PKNOX2: variants seen among roughly 807,000 people sequenced by gnomAD.
PKNOX2 encodes homeobox protein PKNOX2.
A neutral mutation model predicts 53.1 loss-of-function variants in PKNOX2; 14 were observed. That is an observed-to-expected ratio of 0.26 (90% CI 0.17 to 0.41). The LOEUF (loss-of-function observed/expected upper bound fraction) is 0.41, where lower values mean the gene tolerates loss of function less well. PKNOX2 is among the 10% of genes least tolerant of loss of function. PKNOX2 has a pLI of 1.00. For missense variants in PKNOX2, 496 were observed against 602.8 expected (o/e 0.82, Z 1.85); for synonymous variants, 257 against 242.8 (o/e 1.06, Z -0.54).
At chr11:125,220,620 C>T (rs1178029457) in intron 1 of PKNOX2, among the ~76,000 whole-genome samples, 1 of 152,278 alleles carries the variant, frequency 6.6e-6, no homozygotes, top group East Asian at 1.9e-4. Flanking sequence ...GCAATCAGCC[C>T]TGGGGAATCA....
intron 2 of PKNOX2, among the ~76,000 whole-genome samples, chr11:125,315,864 A>G (rs937381621): frequency 6.6e-6 from 1 of 152,104 alleles, no homozygotes. Context: ...CTACACTACA[A>G]GCAGGTACCC....
chr11:125,221,600 G>T (rs150628570), intron 1 of PKNOX2, among the ~76,000 whole-genome samples: 60 of 152,296 alleles, frequency 3.9e-4, no homozygotes, highest in Non-Finnish European at 6.9e-4. Flanking sequence ...GAAAGGATTA[G>T]AAGACAATTA....
At chr11:125,182,864 G>A (rs545544920) in intron 1 of PKNOX2, among the ~76,000 whole-genome samples, 2 of 152,208 alleles carry the variant, frequency 1.3e-5, no homozygotes, top group African/African-American at 4.8e-5. Context: ...TGCCTTCAAG[G>A]CTGGGCTGAG....
At chr11:125,237,525 C>T (rs1413519666) in intron 2 of PKNOX2, among the ~76,000 whole-genome samples, 1 of 152,212 alleles carries the variant, frequency 6.6e-6, no homozygotes, top group Non-Finnish European at 1.5e-5. Flanking sequence ...CACAGCACAG[C>T]CTCATCTATT....
chr11:125,410,516 AT>A, intron 8 of PKNOX2, 191 bp downstream of exon 8: 1 of 858,256 alleles, frequency 1.2e-6, no homozygotes, highest in Non-Finnish European at 1.7e-6. Context: ...TTTAGAACAA[AT>A]TTGGGTCAAA....
intron 1 of PKNOX2, among the ~76,000 whole-genome samples, chr11:125,220,675 T>G (rs1269012267): frequency 6.6e-6 from 1 of 152,190 alleles, no homozygotes; most frequent in African/African-American, 2.4e-5. Context: ...CGTCATACCT[T>G]GCCTAGGATC....
intron 2 of PKNOX2, chr11:125,287,621 C>T (rs530201971): frequency 2.0e-5 from 3 of 152,240 alleles, no homozygotes; most frequent in Admixed American, 6.5e-5. Context: ...TGGAGCAACA[C>T]GTGGTGTTGG....
At chr11:125,243,605 C>T (rs1943325621) in intron 2 of PKNOX2, among the ~76,000 whole-genome samples, 1 of 151,650 alleles carries the variant, frequency 6.6e-6, no homozygotes, top group South Asian at 2.1e-4. Context: ...GAGTCTATCA[C>T]AGTATACCTG....
At chr11:125,256,079 T>C (rs1267730769) in intron 2 of PKNOX2, among the ~76,000 whole-genome samples, 1 of 152,014 alleles carries the variant, frequency 6.6e-6, no homozygotes, top group Non-Finnish European at 1.5e-5. Context: ...GAACTTAGCC[T>C]GCTGGGAAGA....
intron 2 of PKNOX2, among the ~76,000 whole-genome samples, chr11:125,309,980 C>T (rs1040787783): frequency 2.0e-5 from 3 of 152,158 alleles, no homozygotes; most frequent in Non-Finnish European, 4.4e-5. Flanking sequence ...AAAACTCTTC[C>T]GGTTCCGCCA....
intron 1 of PKNOX2, among the ~76,000 whole-genome samples, chr11:125,222,800 T>C (rs1045314354): frequency 6.6e-6 from 1 of 151,854 alleles, no homozygotes; most frequent in Non-Finnish European, 1.5e-5. Flanking sequence ...TGTGTGTGTG[T>C]GTGCGTGTGT....
chr11:125,363,804 G>C (rs1242388066), intron 4 of PKNOX2, among the ~76,000 whole-genome samples: 3 of 150,678 alleles, frequency 2.0e-5, no homozygotes, highest in South Asian at 2.2e-4. Flanking sequence ...GGGAAAAACT[G>C]AAATTAGAGG....
At chr11:125,403,878 G>A (rs1369919318) in intron 7 of PKNOX2, among the ~76,000 whole-genome samples, 1 of 152,216 alleles carries the variant, frequency 6.6e-6, no homozygotes, top group Non-Finnish European at 1.5e-5. Flanking sequence ...AGGCCCAGCT[G>A]CCAGATGCGA....
At chr11:125,215,735 G>C (rs1334014572) in intron 1 of PKNOX2, among the ~76,000 whole-genome samples, 1 of 149,978 alleles carries the variant, frequency 6.7e-6, no homozygotes, top group Non-Finnish European at 1.5e-5. Context: ...CTGGGCAACA[G>C]AGCGAGACTC....
chr11:125,182,380 T>A (rs1475350187), intron 1 of PKNOX2, among the ~76,000 whole-genome samples: 1 of 152,190 alleles, frequency 6.6e-6, no homozygotes, highest in Admixed American at 6.5e-5. Context: ...TAGATGTCTA[T>A]GGAAGATCTA....
intron 2 of PKNOX2, among the ~76,000 whole-genome samples, chr11:125,257,745 T>C (rs1565481124): frequency 6.6e-6 from 1 of 152,222 alleles, no homozygotes; most frequent in Non-Finnish European, 1.5e-5. Context: ...TTCATCGTCA[T>C]TGTCACTCTA....
At chr11:125,365,549 T>G (rs188538197) in intron 4 of PKNOX2, among the ~76,000 whole-genome samples, 3 of 152,340 alleles carry the variant, frequency 2.0e-5, no homozygotes, top group African/African-American at 7.2e-5. Flanking sequence ...TGCCAAAATC[T>G]GTAAAGATCT....
At chr11:125,222,171 C>A (rs1941210302) in intron 1 of PKNOX2, among the ~76,000 whole-genome samples, 1 of 152,206 alleles carries the variant, frequency 6.6e-6, no homozygotes, top group South Asian at 2.1e-4. Context: ...AATGAGGAAG[C>A]TGAGCCCACA....
At chr11:125,190,336 C>T (rs1365298325) in intron 1 of PKNOX2, among the ~76,000 whole-genome samples, 1 of 152,188 alleles carries the variant, frequency 6.6e-6, no homozygotes, top group African/African-American at 2.4e-5. Flanking sequence ...AGCATGTCAC[C>T]GCCTTCCCAG....
Sources: allele counts gnomAD v4.1 joint callset (sites outside exome capture counted in the v4.1 genomes callset), GRCh38; gene constraint gnomAD v4.1.1; transcripts MANE v1.5; gene names NCBI Gene and HGNC (gene_info 2026-07-23, HGNC 2026-07-21).